The following RPLP0 variants were observed in gnomAD, a reference collection of about 807,000 sequenced individuals.
The protein encoded by RPLP0 is large ribosomal subunit protein uL10.
For synonymous variants in RPLP0, 137 were observed against 153.4 expected, an observed-to-expected ratio of 0.89 and a Z score of 0.79; for missense variants, 276 against 402.9, an observed-to-expected ratio of 0.69 and a Z score of 2.70.
chr12:120,200,548 C>A, intron 2 of RPLP0, 182 bp downstream of exon 2: 1 of 625,076 alleles, frequency 1.6e-6, no homozygotes, highest in Admixed American at 3.0e-5. Context: ...ACTTAACTTG[C>A]CTGAGCCCGT....
At chr12:120,200,652 C>CCTCA (rs1879410560) in intron 2 of RPLP0, 78 bp downstream of exon 2, 6 of 1,506,990 alleles carry the variant, frequency 4.0e-6, no homozygotes, top group Non-Finnish European at 5.4e-6. Context: ...GTGAGTAGAC[C>CCTCA]CTCAGCACAT....
At chr12:120,200,174 GTAAT>G (rs1879369222) in intron 2 of RPLP0, 9 of 451,564 alleles carry the variant, frequency 2.0e-5, no homozygotes, top group Non-Finnish European at 4.0e-5. Context: ...GAGTAAAACT[GTAAT>G]GTGCGGCCGG....
At chr12:120,197,773 T>TC (rs1879238503) in intron 6 of RPLP0, 1 of 301,776 alleles carries the variant, frequency 3.3e-6, no homozygotes, top group Non-Finnish European at 6.3e-6. Flanking sequence ...CGAAAAATGT[T>TC]CAACGATTTC....
At chr12:120,200,887 C>CG in intron 1 of RPLP0, 56 bp from the exon 2 acceptor site, 2 of 1,509,338 alleles carry the variant, frequency 1.3e-6, no homozygotes, top group Non-Finnish European at 1.8e-6. Context: ...CCCGCGGTCC[C>CG]GGGCCTAAGA....
At chr12:120,200,435 C>G in intron 2 of RPLP0, 2 of 369,698 alleles carry the variant, frequency 5.4e-6, no homozygotes, top group Non-Finnish European at 1.0e-5. Flanking sequence ...TGCACTCCAG[C>G]CTGGACAACA....
intron 2 of RPLP0, chr12:120,200,140 T>A (rs1175060832): frequency 2.2e-6 from 1 of 455,888 alleles, no homozygotes; most frequent in African/African-American, 2.0e-5. Context: ...GAGTCATTCC[T>A]GACCTCAGAC....
chr12:120,199,813 C>T (rs1217555308), intron 2 of RPLP0: 4 of 358,286 alleles, frequency 1.1e-5, no homozygotes, highest in African/African-American at 8.5e-5. Context: ...GTAAGTTGGT[C>T]AAGAGGAGGG....
chr12:120,198,472 T>A lies in RPLP0; in HGVS notation c.651+82A>T. 1 of 1,463,200 alleles carries A rather than the reference T, an allele frequency of 6.8e-7. No individual in the cohort carries two copies. Among genetic ancestry groups the A allele is most frequent in the Non-Finnish European group, 9.5e-7 (1 of 1,047,810 alleles). The allele number at this position is 1,463,200 out of a possible 1,614,324, so 90.6% of individuals were successfully genotyped here. A position where few individuals can be genotyped will look rare whatever the true frequency, so the allele number is the denominator to read the frequency against. On this transcript the variant is annotated intron_variant, in intron 6 of 7. Transcript: ENST00000392514. This position sits in a 1 kb window ranked among gnomAD's most constrained non-coding sequence, Gnocchi z 4.1. ...GGTAGGTAGACAGATGAAAACACAG[T>A]CCTTGGTTACAGGGACTCAGTCTGA...
Position 120,199,110 on chromosome 12 carries a change from C to T in RPLP0, c.318+8G>A, listed in dbSNP as rs1879297087. On this transcript the variant is annotated splice_region_variant and intron_variant, in intron 4 of 7. Transcript: ENST00000392514. Reference sequence around the variant, plus strand: ...AAGTCTCTTTAGCCAACCCAATTGTCCCCTTACCTTATTGGCCAGCAACAT... The same window carrying T: ...AAGTCTCTTTAGCCAACCCAATTGTTCCCTTACCTTATTGGCCAGCAACAT... The T allele has an allele frequency of 1.2e-6, 2 of 1,612,352 alleles. No individual in the cohort carries two copies. Among genetic ancestry groups the T allele is most frequent in the East Asian group, 2.2e-5 (1 of 44,882 alleles).
At position 120,197,433 on chromosome 12, in the gene RPLP0, C is replaced by T; in HGVS notation, c.681G>A (p.Leu227=). 1.2e-6 allele frequency: 2 copies of T among 1,613,918 alleles called. No homozygotes were observed. Among genetic ancestry groups the T allele is most frequent in the Non-Finnish European group, 8.5e-7 (1 of 1,179,854 alleles). The change falls in exon 7 of 8, where the codon CTG becomes CTA. Residue 227 remains leucine (L), a synonymous_variant. Transcript: ENST00000392514. ...ATGCAACAGTTGGGTAGCCAATCTG[C>T]AGACAGACACTGGCAACATTGCGGA... ...EGVRNVASVC[L]QIGYPTVASV... is the part of the protein sequence containing the mutation.
chr12:120,200,637 C>T, intron 2 of RPLP0, 93 bp downstream of exon 2: 1 of 1,367,098 alleles, frequency 7.3e-7, no homozygotes, highest in Non-Finnish European at 1.0e-6. Flanking sequence ...AATTCAGTAG[C>T]CGGTGTGAGT....
rs956898810 is a variant in RPLP0 at position 120,197,045 on chromosome 12, C to G, written c.793-111G>C. On this transcript the variant is annotated intron_variant, in intron 7 of 7. Coordinates refer to ENST00000392514, the MANE Select transcript of RPLP0 (RefSeq NM_001002.4). Reference sequence around the variant, plus strand: ...CAACAATATCAAAGTCCGTGTGAAGCCTTTCCTGTCAGAAGCAGCCCAAGC... The same window carrying G: ...CAACAATATCAAAGTCCGTGTGAAGGCTTTCCTGTCAGAAGCAGCCCAAGC... The G allele has an allele frequency of 1.9e-5, 30 of 1,547,532 alleles. No homozygotes were observed. The African/African-American group carries it at 3.7e-4, about 19-fold the overall frequency.
Position 120,198,625 on chromosome 12 carries a change from C to T in RPLP0, c.580G>A (p.Asp194Asn), listed in dbSNP as rs1191328993. 3 of 1,614,024 alleles carry T rather than the reference C, an allele frequency of 1.9e-6. No homozygotes were observed. Among genetic ancestry groups the T allele is most frequent in the Non-Finnish European group, 2.5e-6 (3 of 1,180,028 alleles). ...TCAGGGTTGTAGATGCTGCCATTGTCGAACACCTGCTGGATGACCAGCCCA... is the reference window on the plus strand; with the variant it reads ...TCAGGGTTGTAGATGCTGCCATTGTTGAACACCTGCTGGATGACCAGCCCA... ...SFGLVIQQVF[D>N]NGSIYNPEVL... The change falls in exon 6 of 8, where the codon GAC becomes AAC. Residue 194 changes from aspartate (D) to asparagine (N), a missense_variant. Coordinates refer to ENST00000392514, the MANE Select transcript of RPLP0 (RefSeq NM_001002.4). The surrounding 1 kb of genome is among the most constrained non-coding windows in gnomAD (Gnocchi z 4.1).
rs1422546710 is a variant in RPLP0, at chr12:120,200,769, G to A, written c.15C>T (p.Asp5=). ...AGTAGTTGGACTTCCAGGTCGCCCT[G>A]TCTTCCCTGGGCATCACGGCGGTGC... MPRE[D]RATWKSNYFL... Residue 5 remains aspartate, a synonymous_variant, in exon 2 of 8, where the codon GAC becomes GAT. Coordinates refer to ENST00000392514, the MANE Select transcript of RPLP0 (RefSeq NM_001002.4). 2 of 1,611,504 alleles carry A rather than the reference G, an allele frequency of 1.2e-6. No homozygotes were observed. Among genetic ancestry groups the A allele is most frequent in the African/African-American group, 1.3e-5 (1 of 74,992 alleles).
chr12:120,199,494 A>G lies in RPLP0; in HGVS notation c.55-9T>C. The G allele has an allele frequency of 6.2e-7, 1 of 1,612,476 alleles. No individual in the cohort carries two copies. Among genetic ancestry groups the G allele is most frequent in the Non-Finnish European group, 8.5e-7 (1 of 1,179,478 alleles). ...TAATCATCCAATAGTTGCTACAAAA[A>G]ACAAGCCAGAGGAGCCAAGTTTAAC... On this transcript the variant is annotated splice_polypyrimidine_tract_variant and intron_variant, in intron 2 of 7. Coordinates refer to ENST00000392514, the MANE Select transcript of RPLP0 (RefSeq NM_001002.4).
chr12:120,197,374 C>T lies in RPLP0; in HGVS notation c.740G>A (p.Arg247Gln), dbSNP rs772491266. ...VPHSIINGYK[R>Q]VLALSVETDY... ...CGTCTCCACAGACAAGGCCAGGACT[C>T]GTTTGTACCCGTTGATGATAGAATG... Residue 247 changes from arginine to glutamine, a missense_variant, in exon 7 of 8, where the codon CGA becomes CAA. Coordinates refer to ENST00000392514, the MANE Select transcript of RPLP0 (RefSeq NM_001002.4). 1.9e-5 allele frequency: 30 copies of T among 1,613,658 alleles called. No individual in the cohort carries two copies. Among genetic ancestry groups the T allele is most frequent in the Admixed American group, 5.0e-5 (3 of 59,988 alleles).
chr12:120,200,318 C>G (rs553513428), intron 2 of RPLP0: 3 of 334,974 alleles, frequency 9.0e-6, no homozygotes, highest in African/African-American at 6.5e-5. Context: ...CAAAAATTAG[C>G]TGGGTGTGGT....
chr12:120,197,085 A>G, intron 7 of RPLP0, 151 bp from the exon 8 acceptor site: 1 of 1,337,126 alleles, frequency 7.5e-7, no homozygotes, highest in East Asian at 2.3e-5. Flanking sequence ...CAGCTTGGGT[A>G]TGGCCTAGTG....
In RPLP0 at chr12:120,199,999, T is replaced by C. The variant is rs555799446; in HGVS notation, c.55-514A>G. 155 of 456,086 alleles carry C rather than the reference T, an allele frequency of 3.4e-4. 3 individuals are homozygous for C. Among genetic ancestry groups the C allele is most frequent in the African/African-American group, 1.4e-3 (72 of 50,196 alleles). 28.3% of individuals were successfully genotyped at this position (456,086 alleles called of 1,614,324 possible). A position where few individuals can be genotyped will look rare whatever the true frequency, so the allele number is the denominator to read the frequency against. ...AGCTATGCTCTACAATGCTGCCTAATTGCTTAAGCGCAGTACAGTCAGCAT... is the reference window on the plus strand; with the variant it reads ...AGCTATGCTCTACAATGCTGCCTAACTGCTTAAGCGCAGTACAGTCAGCAT... On this transcript the variant is annotated intron_variant, in intron 2 of 7. Coordinates refer to ENST00000392514, the MANE Select transcript of RPLP0 (RefSeq NM_001002.4).
Sources: gnomAD v4.1 joint callset for allele counts on GRCh38, gnomAD v4.1.1 for gene constraint, Gnocchi (gnomAD v3.1) non-coding constraint, MANE v1.5 for transcripts, NCBI Gene and HGNC (gene_info 2026-07-23, HGNC 2026-07-21) for gene names.